The following ATP6V0A1 variants were observed in gnomAD, a reference collection of about 807,000 sequenced individuals.
ATP6V0A1 encodes V-type proton ATPase 116 kDa subunit a 1.
Under a neutral mutation model 105.4 loss-of-function variants are expected in ATP6V0A1, and 43 were observed. That is an observed-to-expected ratio of 0.41 (90% CI 0.32 to 0.53). The LOEUF is 0.53. ATP6V0A1 is among the 20% of genes least tolerant of loss of function. The pLI, the probability that ATP6V0A1 is intolerant of heterozygous loss-of-function variation, is 0.30. For missense variants in ATP6V0A1, 676 were observed against 1,051.1 expected (o/e 0.64, Z 4.93); for synonymous variants, 362 against 372.8 (o/e 0.97, Z 0.33).
chr17:42,465,712 C>A (rs1019433597), intron 2 of ATP6V0A1, among the ~76,000 whole-genome samples: 19 of 151,680 alleles, frequency 1.3e-4, no homozygotes, highest in African/African-American at 4.6e-4. Flanking sequence ...GCCTGCAATC[C>A]CAGCACTTTG....
At chr17:42,490,731 C>T (rs2090543136) in intron 11 of ATP6V0A1, 94 bp downstream of exon 11, 7 of 1,352,906 alleles carry the variant, frequency 5.2e-6, no homozygotes, top group Non-Finnish European at 7.1e-6. Flanking sequence ...CTCTGTCACC[C>T]AGGCTGGAGT....
chr17:42,498,841 T>A (rs1368797347), intron 14 of ATP6V0A1, 83 bp from the exon 15 acceptor site: 4 of 956,168 alleles, frequency 4.2e-6, no homozygotes, highest in Non-Finnish European at 6.5e-6. Context: ...AATAAATAAA[T>A]AAAAATTGTT....
intron 17 of ATP6V0A1, among the ~76,000 whole-genome samples, chr17:42,505,421 G>A (rs2091955766): frequency 6.6e-6 from 1 of 151,268 alleles, no homozygotes. Flanking sequence ...GGCCAGGCTG[G>A]TCTTGAACTC....
intron 18 of ATP6V0A1, among the ~76,000 whole-genome samples, chr17:42,507,876 T>C (rs1244510956): frequency 6.6e-6 from 1 of 152,210 alleles, no homozygotes; most frequent in East Asian, 1.9e-4. Context: ...CCCGCAGTGC[T>C]CTGCACGCAG....
At chr17:42,490,708 A>T in intron 11 of ATP6V0A1, 71 bp downstream of exon 11, 1 of 1,485,426 alleles carries the variant, frequency 6.7e-7, no homozygotes, top group Non-Finnish European at 9.1e-7. Flanking sequence ...GTTTGTTTTG[A>T]GACAGAGTCT....
In ATP6V0A1 at chr17:42,479,705, G is replaced by A. The variant is rs184966022; in HGVS notation, c.634-962G>A. 3.9e-3 allele frequency among the ~76,000 whole-genome samples: 599 copies of A among 152,256 alleles called. 9 individuals are homozygous for A. Among genetic ancestry groups the A allele is most frequent in the African/African-American group, 0.014 (569 of 41,546 alleles). On this transcript the variant is annotated intron_variant, in intron 7 of 21. Coordinates refer to ENST00000343619, the MANE Select transcript of ATP6V0A1 (RefSeq NM_001130021.3). ...CATCCTCCATGCCGTGGAGGAGTGT[G>A]GTTACACTTCAGGTGAACCCCCTGC...
In ATP6V0A1 at chr17:42,495,609, T is replaced by C; in HGVS notation, c.1470-17T>C. 3.1e-6 allele frequency: 5 copies of C among 1,590,308 alleles called. No individual in the cohort carries two copies. Among genetic ancestry groups the C allele is most frequent in the Non-Finnish European group, 3.5e-6 (4 of 1,158,790 alleles). ...CTCTTGTTCAAAAATAATGTGACTTTTTCCCTGTCATGGTAGTGAAGAGAC... is the reference window on the plus strand; with the variant it reads ...CTCTTGTTCAAAAATAATGTGACTTCTTCCCTGTCATGGTAGTGAAGAGAC... On this transcript the variant is annotated splice_polypyrimidine_tract_variant and intron_variant, in intron 13 of 21. Coordinates refer to ENST00000343619, the MANE Select transcript of ATP6V0A1 (RefSeq NM_001130021.3).
chr17:42,507,637 C>A lies in ATP6V0A1; in HGVS notation c.2112+10C>A. Reference sequence around the variant, plus strand: ...AGAGGACGCAGACGAGGTAAGATCCCGTGGTGTGGGCTTTCTCTCCTTCCA... The same window carrying A: ...AGAGGACGCAGACGAGGTAAGATCCAGTGGTGTGGGCTTTCTCTCCTTCCA... On this transcript the variant is annotated intron_variant, in intron 18 of 21. Transcript: ENST00000343619. 6.2e-7 allele frequency: 1 copy of A among 1,610,592 alleles called. No individual in the cohort carries two copies. Among genetic ancestry groups the A allele is most frequent in the Non-Finnish European group, 8.5e-7 (1 of 1,176,962 alleles).
rs1416985983 is a variant in ATP6V0A1, at chr17:42,480,690, G to A, written c.657G>A (p.Val219=). The A allele has an allele frequency of 6.2e-7, 1 of 1,613,766 alleles. No individual in the cohort carries two copies. Among genetic ancestry groups the A allele is most frequent in the South Asian group, 1.1e-5 (1 of 91,006 alleles). The change falls in exon 8 of 22, where the codon GTG becomes GTA. Residue 219 remains valine (V), a synonymous_variant. Coordinates refer to ENST00000343619, the MANE Select transcript of ATP6V0A1 (RefSeq NM_001130021.3). ...PVTGDYVHKS[V]FIIFFQGDQL... is the part of the protein sequence containing the mutation. ...AGGGCGACTACGTGCACAAGTCTGT[G>A]TTTATCATTTTCTTCCAAGGCGATC... is the stretch of plus-strand genomic sequence containing the variant.
At chr17:42,469,471 C>T (rs2087578569) in intron 4 of ATP6V0A1, among the ~76,000 whole-genome samples, 1 of 151,330 alleles carries the variant, frequency 6.6e-6, no homozygotes, top group Non-Finnish European at 1.5e-5. Flanking sequence ...GCTGGGATTA[C>T]AGGCATGCAC....
intron 21 of ATP6V0A1, chr17:42,518,988 G>C (rs1400393952): frequency 6.6e-6 from 1 of 152,302 alleles, no homozygotes; most frequent in African/African-American, 2.4e-5. Context: ...CTGGGTGGTT[G>C]GGGTGAGGGT....
chr17:42,514,544 C>A, intron 21 of ATP6V0A1, 84 bp downstream of exon 21: 2 of 1,356,156 alleles, frequency 1.5e-6, no homozygotes, highest in Non-Finnish European at 2.0e-6. Context: ...CCACACACAG[C>A]CCTGCAGCTC....
intron 2 of ATP6V0A1, among the ~76,000 whole-genome samples, chr17:42,463,839 GTATGT>G (rs2086721893): frequency 6.6e-6 from 1 of 152,104 alleles, no homozygotes; most frequent in African/African-American, 2.4e-5. Context: ...TACATATTTT[GTATGT>G]TATATGTATT....
Position 42,494,400 on chromosome 17 carries a change from T to C in ATP6V0A1, c.1241T>C (p.Ile414Thr). ...ATGTTTGGAGACTTCGGTCATGGCATTTTAATGACCCTTTTTGCTGTGTGG... is the reference window on the plus strand; with the variant it reads ...ATGTTTGGAGACTTCGGTCATGGCACTTTAATGACCCTTTTTGCTGTGTGG... The part of the protein sequence containing the change: ...AVMFGDFGHG[I>T]LMTLFAVWMV... Residue 414 changes from isoleucine (I) to threonine (T), a missense_variant, in exon 12 of 22, where the codon ATT becomes ACT. Transcript: ENST00000343619. 2 of 1,613,548 alleles carry C rather than the reference T, an allele frequency of 1.2e-6. No individual in the cohort carries two copies. Among genetic ancestry groups the C allele is most frequent in the South Asian group, 2.2e-5 (2 of 91,080 alleles).
chr17:42,498,622 C>T (rs1416332191), intron 14 of ATP6V0A1, among the ~76,000 whole-genome samples: 2 of 151,840 alleles, frequency 1.3e-5, no homozygotes, highest in African/African-American at 2.4e-5. Context: ...GGTCATGAAT[C>T]GAGACCATCC....
chr17:42,475,232 C>G (rs1306783801), intron 5 of ATP6V0A1, among the ~76,000 whole-genome samples: 4 of 152,034 alleles, frequency 2.6e-5, no homozygotes, highest in East Asian at 1.9e-4. Context: ...ATTGTTTGTT[C>G]TTGGTAATTG....
rs549971865 is a variant in ATP6V0A1, at chr17:42,477,113, A to G, written c.424-547A>G. ...CTTTCTCCAGACTTCACAGCATTCA[A>G]AGACAGTGGCAGTGCCTTGCTTCTT... On this transcript the variant is annotated intron_variant, in intron 5 of 21. Transcript: ENST00000343619. Among the ~76,000 whole-genome samples, 128 of 152,308 alleles carry G rather than the reference A, an allele frequency of 8.4e-4. 2 individuals carry two copies. The highest frequency in any genetic ancestry group is 2.9e-3 in the African/African-American group (120 of 41,572).
rs1007432730 is a variant in ATP6V0A1 at position 42,470,250 on chromosome 17, A to T, written c.423+32A>T. On this transcript the variant is annotated intron_variant, in intron 5 of 21. Coordinates refer to ENST00000343619, the MANE Select transcript of ATP6V0A1 (RefSeq NM_001130021.3). The stretch of plus-strand genomic sequence containing the variant: ...CTATTGTTTCTTTTAGTATTTGAGC[A>T]GCTGATATTATACTCACACAAGTGG... The T allele has an allele frequency of 2.5e-6, 4 of 1,607,250 alleles. No homozygotes were observed. In the African/African-American group the frequency reaches 5.4e-5, roughly 21 times the overall value.
At position 42,487,158 on chromosome 17, in the gene ATP6V0A1, C is replaced by T; in HGVS notation, c.814C>T (p.Leu272=). 1 of 1,614,140 alleles carries T rather than the reference C, an allele frequency of 6.2e-7. No individual in the cohort carries two copies. The highest frequency in any genetic ancestry group is 8.5e-7 in the Non-Finnish European group (1 of 1,180,026). Residue 272 remains leucine, a synonymous_variant, in exon 10 of 22, where the codon CTG becomes TTG. Transcript: ENST00000343619. ...CTTGTTCCTTTTCTCCCCAAAGGTT[C>T]TGAATCAAACGGAGGATCACCGCCA... is the stretch of plus-strand genomic sequence containing the variant. ...NTRIDDLQMV[L]NQTEDHRQRV...
Sources: allele counts gnomAD v4.1 joint callset (sites outside exome capture counted in the v4.1 genomes callset), GRCh38; gene constraint gnomAD v4.1.1; transcripts MANE v1.5; gene names NCBI Gene and HGNC (gene_info 2026-07-23, HGNC 2026-07-21).